The following GPHN variants were observed in gnomAD, a reference collection of about 807,000 sequenced individuals.
GPHN encodes the protein gephyrin.
GPHN carries 17 observed loss-of-function variants against 95.5 expected under a neutral mutation model. The observed-to-expected ratio is 0.18, with a 90% CI of 0.12 to 0.27. The LOEUF is 0.27. Among genes scored for constraint, GPHN ranks in the 10% least tolerant of loss-of-function variants. The pLI is 1.00. For synonymous variants in GPHN, 320 were observed against 322.5 expected (o/e 0.99, Z 0.08); for missense variants, 660 against 978.1 (o/e 0.67, Z 4.34).
the GPHN span, among the ~76,000 whole-genome samples, chr14:67,425,996 C>T: frequency 6.6e-6 from 1 of 151,900 alleles, no homozygotes; most frequent in East Asian, 1.9e-4. Flanking sequence ...CCTCCTGCCT[C>T]AGCCTCCCAA....
At chr14:67,302,608 T>C in the GPHN span, 1 of 1,387,352 alleles carries the variant, frequency 7.2e-7, no homozygotes, top group Non-Finnish European at 9.5e-7. Flanking sequence ...TTGATAGCTT[T>C]TAGAAAGCTC....
rs375267255 is a variant in GPHN at position 66,683,367 on chromosome 14, T to TGTTC, written c.143+2182_143+2183insGTTC. The stretch of plus-strand genomic sequence containing the variant: ...ATATATATATATATATATATATATA[T>TGTTC]ATATATATATATGTTCATATATATA... On this transcript the variant is annotated intron_variant, in intron 2 of 22. Transcript: ENST00000478722. Among the ~76,000 whole-genome samples the TGTTC allele has an allele frequency of 3.7e-3, 70 of 18,906 alleles. 5 individuals are homozygous for TGTTC. Among genetic ancestry groups the TGTTC allele is most frequent in the South Asian group, 0.012 (5 of 432 alleles). The allele number at this position is 18,906 out of a possible 152,430, so 12.4% of individuals were successfully genotyped here. A position where few individuals can be genotyped will look rare whatever the true frequency, so the allele number is the denominator to read the frequency against.
intron 10 of GPHN, among the ~76,000 whole-genome samples, chr14:67,047,854 G>C (rs377159700): frequency 7.2e-5 from 11 of 152,252 alleles, no homozygotes; most frequent in African/African-American, 2.6e-4. Context: ...CCAGCTACTC[G>C]ATGGGGTGAG....
intron 1 of GPHN, among the ~76,000 whole-genome samples, chr14:66,661,836 T>C (rs1350902816): frequency 1.3e-5 from 2 of 152,144 alleles, no homozygotes; most frequent in Non-Finnish European, 2.9e-5. Context: ...CCTGTGGGCT[T>C]TGGAGAGCCC....
the GPHN span, chr14:67,454,046 C>G: frequency 6.6e-6 from 1 of 151,728 alleles, no homozygotes; most frequent in Non-Finnish European, 1.5e-5. Context: ...TGGAACCAAA[C>G]TCTTTGGGTT....
chr14:67,457,016 T>C, the GPHN span, among the ~76,000 whole-genome samples: 3 of 152,182 alleles, frequency 2.0e-5, no homozygotes, highest in Admixed American at 2.0e-4. Context: ...CCTGAGTGAA[T>C]TAATGCCGAA....
chr14:66,597,755 T>C (rs1305634794), intron 1 of GPHN, among the ~76,000 whole-genome samples: 1 of 152,116 alleles, frequency 6.6e-6, no homozygotes, highest in Non-Finnish European at 1.5e-5. Flanking sequence ...GTCCACAAGC[T>C]CCAGCCTTAC....
At chr14:66,513,710 G>A (rs944474292) in intron 1 of GPHN, among the ~76,000 whole-genome samples, 12 of 151,924 alleles carry the variant, frequency 7.9e-5, no homozygotes, top group African/African-American at 2.6e-4. Flanking sequence ...AATATGAATG[G>A]CATCTAATCT....
At chr14:66,825,583 G>A (rs2061359225) in intron 4 of GPHN, among the ~76,000 whole-genome samples, 2 of 151,994 alleles carry the variant, frequency 1.3e-5, no homozygotes, top group South Asian at 4.1e-4. Context: ...TTCTAACAAG[G>A]CCCCAGGTGA....
intron 1 of GPHN, among the ~76,000 whole-genome samples, chr14:66,635,393 T>C (rs962865073): frequency 3.9e-5 from 6 of 152,222 alleles, no homozygotes; most frequent in Admixed American, 6.5e-5. Flanking sequence ...TCCTGTGAAA[T>C]TTTGAAACTT....
At chr14:67,600,911 G>A in the GPHN span, among the ~76,000 whole-genome samples, 2 of 152,144 alleles carry the variant, frequency 1.3e-5, no homozygotes, top group South Asian at 2.1e-4. Context: ...CTTTTGCTTG[G>A]CAAGCCGATT....
At chr14:67,198,044 A>G in the GPHN span, 1 of 1,263,788 alleles carries the variant, frequency 7.9e-7, no homozygotes, top group Non-Finnish European at 1.1e-6. Flanking sequence ...ACAGATATTG[A>G]TAAAATTTGC....
chr14:67,201,660 A>C, the GPHN span: 7 of 394,688 alleles, frequency 1.8e-5, no homozygotes, highest in African/African-American at 1.0e-4. Context: ...ATCAGGATTT[A>C]ATCCCTGAGC....
chr14:66,664,231 A>AAAACACTGCTC (rs1487148570), intron 1 of GPHN, among the ~76,000 whole-genome samples: 1 of 152,212 alleles, frequency 6.6e-6, no homozygotes, highest in Admixed American at 6.5e-5. Context: ...AATCGGAAGT[A>AAAACACTGCTC]AAACACTGCT....
chr14:66,883,985 C>A, intron 5 of GPHN, among the ~76,000 whole-genome samples: 1 of 152,038 alleles, frequency 6.6e-6, no homozygotes, highest in Non-Finnish European at 1.5e-5. Context: ...CAGGGGACCC[C>A]ATTCCCAGTT....
intron 4 of GPHN, among the ~76,000 whole-genome samples, chr14:66,841,113 C>T (rs2062070928): frequency 6.6e-6 from 1 of 151,730 alleles, no homozygotes; most frequent in African/African-American, 2.4e-5. Flanking sequence ...TCACAAGTCC[C>T]TACCTTTATG....
chr14:66,708,764 A>C (rs943665618), intron 2 of GPHN, among the ~76,000 whole-genome samples: 1 of 152,118 alleles, frequency 6.6e-6, no homozygotes, highest in East Asian at 1.9e-4. Flanking sequence ...TTCTAGTTAC[A>C]TAGTTTTCAC....
At chr14:67,137,164 GAGA>G (rs113905284) in intron 17 of GPHN, among the ~76,000 whole-genome samples, 8,160 of 144,206 alleles carry the variant, frequency 0.057, 228 homozygotes, top group Middle Eastern at 0.07. Context: ...TTTTTTTTTT[GAGA>G]AGGATTCTTG....
At chr14:66,760,750 A>G (rs1319845851) in intron 2 of GPHN, 3 of 465,022 alleles carry the variant, frequency 6.5e-6, no homozygotes, top group Non-Finnish European at 1.2e-5. Context: ...AATTTGAAAA[A>G]CATAGAAATG....
Sources: gnomAD v4.1 joint callset for allele counts (sites outside exome capture counted in the v4.1 genomes callset) on GRCh38, gnomAD v4.1.1 for gene constraint, MANE v1.5 for transcripts, NCBI Gene and HGNC (gene_info 2026-07-23, HGNC 2026-07-21) for gene names.